The following RBFOX1 variants were observed in gnomAD, a reference collection of about 807,000 sequenced individuals.
RBFOX1 encodes RNA binding fox-1 homolog 1.
Under a neutral mutation model 57.7 loss-of-function variants are expected in RBFOX1, and 8 were observed. The ratio of observed to expected loss-of-function variants is 0.14; its 90% CI spans 0.08 to 0.25. RBFOX1 has a LOEUF of 0.25. RBFOX1 is among the 10% of genes least tolerant of loss of function. RBFOX1 has a pLI of 1.00. For synonymous variants in RBFOX1, 326 were observed against 222.4 expected, an observed-to-expected ratio of 1.47 and a Z score of -4.15; for missense variants, 611 against 548.5, an observed-to-expected ratio of 1.11 and a Z score of -1.14.
intron 3 of RBFOX1, among the ~76,000 whole-genome samples, chr16:6,779,740 TTTTTATATATAC>T (rs1233848426): frequency 4.2e-4 from 24 of 57,074 alleles, no homozygotes; most frequent in African/African-American, 1.4e-3. Context: ...TTTTTATATA[TTTTTATATATAC>T]TTTTATATAT....
intron 1 of RBFOX1, among the ~76,000 whole-genome samples, chr16:6,212,926 A>G (rs1390892335): frequency 6.6e-6 from 1 of 152,180 alleles, no homozygotes; most frequent in Admixed American, 6.5e-5. Context: ...CCTACTTAGA[A>G]TAGTCGTTTT....
At position 6,859,129 on chromosome 16, in the gene RBFOX1, A is replaced by ATATGTATATATATATG. The variant is rs1567592071; in HGVS notation, c.-15-192928_-15-192927insTATGTATATATATATG. On this transcript the variant is annotated intron_variant, in intron 3 of 15. Coordinates refer to ENST00000550418, the MANE Select transcript of RBFOX1 (RefSeq NM_018723.4). Reference sequence around the variant, plus strand: ...AAAAAGTGTATATATATATATATATACATATATATACGTATATATATATGT... The same window carrying ATATGTATATATATATG: ...AAAAAGTGTATATATATATATATATATATGTATATATATATGCATATATATACGTATATATATATGT... 6.5e-4 allele frequency among the ~76,000 whole-genome samples: 49 copies of ATATGTATATATATATG among 75,672 alleles called. 7 individuals carry two copies. Among genetic ancestry groups the ATATGTATATATATATG allele is most frequent in the African/African-American group, 3.8e-3 (47 of 12,278 alleles). 49.6% of individuals were successfully genotyped at this position (75,672 alleles called of 152,430 possible).
intron 2 of RBFOX1, among the ~76,000 whole-genome samples, chr16:6,424,067 A>G (rs1056772384): frequency 2.0e-5 from 3 of 152,082 alleles, no homozygotes; most frequent in African/African-American, 2.4e-5. Flanking sequence ...GTGAAAACCC[A>G]TCTCTACTAA....
intron 1 of RBFOX1, among the ~76,000 whole-genome samples, chr16:6,217,932 C>T (rs1003657491): frequency 1.3e-5 from 2 of 152,182 alleles, no homozygotes; most frequent in African/African-American, 2.4e-5. Context: ...ATGAGAATCA[C>T]TTAAACCGGG....
intron 3 of RBFOX1, among the ~76,000 whole-genome samples, chr16:6,919,442 C>T (rs1006572387): frequency 4.0e-5 from 5 of 125,962 alleles, no homozygotes; most frequent in Admixed American, 1.6e-4. Context: ...CAAACTGGAA[C>T]ATAGAGGGTT....
chr16:5,562,006 G>T (rs1306508927), intron 2 of RBFOX1, among the ~76,000 whole-genome samples: 2 of 152,070 alleles, frequency 1.3e-5, no homozygotes, highest in Non-Finnish European at 2.9e-5. Flanking sequence ...GGTGCTAGAG[G>T]GTGTGAAGAC....
At chr16:6,888,617 T>G (rs1324883605) in intron 3 of RBFOX1, among the ~76,000 whole-genome samples, 3 of 152,136 alleles carry the variant, frequency 2.0e-5, no homozygotes, top group Admixed American at 6.6e-5. Context: ...GGTCTTTTGG[T>G]TCATCAGGCT....
intron 1 of RBFOX1, among the ~76,000 whole-genome samples, chr16:5,448,009 T>G (rs902593400): frequency 2.6e-5 from 4 of 152,162 alleles, no homozygotes; most frequent in South Asian, 4.1e-4. Flanking sequence ...CCTGTTTAAT[T>G]AATTGAATCT....
At chr16:6,577,582 T>C (rs576436343) in intron 2 of RBFOX1, among the ~76,000 whole-genome samples, 2 of 152,208 alleles carry the variant, frequency 1.3e-5, no homozygotes, top group Non-Finnish European at 2.9e-5. Context: ...TCTGGGACAC[T>C]CTACAGAGAA....
chr16:6,662,193 T>C lies in RBFOX1; in HGVS notation c.-16+7543T>C, dbSNP rs376283420. Among the ~76,000 whole-genome samples the C allele has an allele frequency of 7.9e-5, 12 of 152,152 alleles. No homozygotes were observed. The Middle Eastern group carries it at 0.01, about 130-fold the overall frequency. On this transcript the variant is annotated intron_variant, in intron 3 of 15. Transcript: ENST00000550418. ...TACAAACCCTCATCATCAGATTAAGTTATAGATAACTAATGTACAGCACAG... is the reference window on the plus strand; with the variant it reads ...TACAAACCCTCATCATCAGATTAAGCTATAGATAACTAATGTACAGCACAG...
intron 3 of RBFOX1, among the ~76,000 whole-genome samples, chr16:5,808,682 T>C (rs543253017): frequency 1.9e-4 from 29 of 152,316 alleles, no homozygotes; most frequent in African/African-American, 6.3e-4. Context: ...TTTGAAGCAA[T>C]TGTGAATGGG....
At chr16:7,125,120 G>A (rs774657029) in intron 4 of RBFOX1, among the ~76,000 whole-genome samples, 8 of 152,074 alleles carry the variant, frequency 5.3e-5, no homozygotes, top group Admixed American at 1.3e-4. Flanking sequence ...CAATATGAGA[G>A]GTTTCTTTTG....
rs1052133816 is a variant in RBFOX1 at position 6,842,708 on chromosome 16, G to A, written c.-16+188058G>A. ...TGGGATACATGTGTAGAATGTGCAG[G>A]TTTGTTACATAGGTATACATGTGCC... On this transcript the variant is annotated intron_variant, in intron 3 of 15. Coordinates refer to ENST00000550418, the MANE Select transcript of RBFOX1 (RefSeq NM_018723.4). Among the ~76,000 whole-genome samples the A allele has an allele frequency of 4.0e-5, 6 of 150,148 alleles. No homozygotes were observed. In the Admixed American group the frequency reaches 4.0e-4, roughly 10 times the overall value.
intron 3 of RBFOX1, among the ~76,000 whole-genome samples, chr16:5,768,616 C>T (rs1414476397): frequency 1.3e-5 from 2 of 152,168 alleles, no homozygotes; most frequent in Non-Finnish European, 1.5e-5. Context: ...TGAAACTCTG[C>T]ATCATAGCCA....
intron 4 of RBFOX1, among the ~76,000 whole-genome samples, chr16:7,358,490 A>T (rs1396710076): frequency 1.3e-5 from 2 of 151,874 alleles, no homozygotes; most frequent in Non-Finnish European, 2.9e-5. Flanking sequence ...GCGCGATCTC[A>T]GCTCACTGCA....
intron 4 of RBFOX1, among the ~76,000 whole-genome samples, chr16:7,248,951 A>G (rs2094412965): frequency 6.6e-6 from 1 of 152,158 alleles, no homozygotes; most frequent in South Asian, 2.1e-4. Flanking sequence ...ATCTTGTTCT[A>G]GGAGAGGTCC....
At chr16:6,787,167 G>T (rs913788762) in intron 3 of RBFOX1, among the ~76,000 whole-genome samples, 2 of 152,182 alleles carry the variant, frequency 1.3e-5, no homozygotes, top group African/African-American at 4.8e-5. Context: ...ACATTTATCA[G>T]ATGTGTGGAG....
intron 2 of RBFOX1, among the ~76,000 whole-genome samples, chr16:6,505,844 C>G (rs1447375158): frequency 6.6e-6 from 1 of 152,132 alleles, no homozygotes; most frequent in Admixed American, 6.5e-5. Context: ...AGGTCCTACT[C>G]AGTGTTGGGG....
At chr16:6,523,274 A>G (rs1186011084) in intron 2 of RBFOX1, among the ~76,000 whole-genome samples, 1 of 152,110 alleles carries the variant, frequency 6.6e-6, no homozygotes, top group East Asian at 1.9e-4. Flanking sequence ...AGGAAGAGAC[A>G]GAGGGAGGGG....
Sources: allele counts gnomAD v4.1 joint callset (sites outside exome capture counted in the v4.1 genomes callset), GRCh38; gene constraint gnomAD v4.1.1; transcripts MANE v1.5; gene names NCBI Gene and HGNC (gene_info 2026-07-23, HGNC 2026-07-21).